PAQR3: variants seen among roughly 807,000 people sequenced by gnomAD.
PAQR3 encodes the protein progestin and adipoQ receptor family member 3, also known as Raf kinase trapping to Golgi.
In PAQR3, 39 loss-of-function variants were observed where a neutral mutation model predicts 41.7. That is an observed-to-expected ratio of 0.93 (90% CI 0.72 to 1.22). The LOEUF (loss-of-function observed/expected upper bound fraction) is 1.22. PAQR3 is among the 50% of genes most tolerant of loss of function. The pLI is 0.00. For synonymous variants in PAQR3, 140 were observed against 140.6 expected (o/e 1.00, Z 0.03); for missense variants, 366 against 385.6 (o/e 0.95, Z 0.42).
intron 12 of PAQR3, chr4:78,887,386 C>T: frequency 1.2e-6 from 1 of 812,574 alleles, no homozygotes; most frequent in Non-Finnish European, 2.0e-6. Context: ...TAGTTAGCTA[C>T]AGAAAGTAGA....
intron 3 of PAQR3, among the ~76,000 whole-genome samples, chr4:78,927,462 G>C (rs921905929): frequency 4.6e-5 from 7 of 152,256 alleles, no homozygotes; most frequent in African/African-American, 1.7e-4. Flanking sequence ...TATTCAAAGA[G>C]AGAGTGGGGG....
At position 78,919,182 on chromosome 4, in the gene PAQR3, GCTT is replaced by G. The variant is rs1456594329; in HGVS notation, c.*1354_*1356del. The G allele has an allele frequency of 8.1e-6, 8 of 984,910 alleles. No homozygotes were observed. The highest frequency in any genetic ancestry group is 9.6e-6 in the Non-Finnish European group (8 of 829,752). 61.0% of individuals were successfully genotyped at this position (984,910 alleles called of 1,614,324 possible). On this transcript the variant is annotated 3_prime_UTR_variant, in exon 6 of 6. Coordinates refer to ENST00000512733, the MANE Select transcript of PAQR3 (RefSeq NM_001040202.2). ...TGCACAAAAGGCATTTTGGGAATAA[GCTT>G]CATCATCAATTAACATTTTTTCTGA...
Position 78,915,588 on chromosome 4 carries a change from G to C in PAQR3, c.*4951C>G, listed in dbSNP as rs1314638436. On this transcript the variant is annotated 3_prime_UTR_variant, in exon 6 of 6. Transcript: ENST00000512733. The stretch of plus-strand genomic sequence containing the variant: ...ACCATAAATGATGAATAGTTTATTT[G>C]AGAACTTTTATACTCAGTGGTGTTT... The C allele has an allele frequency of 6.6e-6, 1 of 151,794 alleles. No individual in the cohort carries two copies. Among genetic ancestry groups the C allele is most frequent in the Non-Finnish European group, 1.5e-5 (1 of 67,842 alleles). 9.4% of individuals were successfully genotyped at this position (151,794 alleles called of 1,614,324 possible). A position where few individuals can be genotyped will look rare whatever the true frequency, so the allele number is the denominator to read the frequency against.
Position 78,918,574 on chromosome 4 carries a change from C to A in PAQR3, c.*1965G>T, listed in dbSNP as rs1735322654. 1.0e-6 allele frequency: 1 copy of A among 974,752 alleles called. No homozygotes were observed. Among genetic ancestry groups the A allele is most frequent in the Non-Finnish European group, 1.2e-6 (1 of 819,954 alleles). The allele number at this position is 974,752 out of a possible 1,614,324, so 60.4% of individuals were successfully genotyped here. A position where few individuals can be genotyped will look rare whatever the true frequency, so the allele number is the denominator to read the frequency against. On this transcript the variant is annotated 3_prime_UTR_variant, in exon 6 of 6. Transcript: ENST00000512733. ...AATTTTCCCTACAGAAAGACCTGTA[C>A]ACCCTTTAAATTCAAAGAAACACGG...
At chr4:78,891,581 T>C (rs991577195) in intron 11 of PAQR3, among the ~76,000 whole-genome samples, 15 of 152,344 alleles carry the variant, frequency 9.8e-5, no homozygotes, top group African/African-American at 3.1e-4. Context: ...TTGTCTTTTA[T>C]ATTTGCATCT....
Position 78,923,964 on chromosome 4 carries a change from G to GC in PAQR3, c.703-18_703-17insG, listed in dbSNP as rs1553924504. ...TGCAAAGTCCTGAAAAGCAGAACAT[G>GC]TTTTTTTACAGATCTTCCTACTGTT... On this transcript the variant is annotated splice_polypyrimidine_tract_variant and intron_variant, in intron 4 of 5. Coordinates refer to ENST00000512733, the MANE Select transcript of PAQR3 (RefSeq NM_001040202.2). 1.3e-6 allele frequency: 2 copies of GC among 1,565,224 alleles called. No individual in the cohort carries two copies. The highest frequency in any genetic ancestry group is 1.1e-5 in the South Asian group (1 of 89,944).
chr4:78,911,610 CA>C (rs1350847218), downstream of PAQR3: 1 of 1,613,668 alleles, frequency 6.2e-7, no homozygotes, highest in Non-Finnish European at 8.5e-7. Context: ...CTCGCAGGCA[CA>C]AAAAAGTGGG....
At position 78,918,894 on chromosome 4, in the gene PAQR3, G is replaced by A; in HGVS notation, c.*1645C>T. On this transcript the variant is annotated 3_prime_UTR_variant, in exon 6 of 6. Transcript: ENST00000512733. Reference sequence around the variant, plus strand: ...AGGAGAAATATATCCTACTACTGTTGCACCAAAATCTTCTATCACTTAACA... The same window carrying A: ...AGGAGAAATATATCCTACTACTGTTACACCAAAATCTTCTATCACTTAACA... 1 of 984,734 alleles carries A rather than the reference G, an allele frequency of 1.0e-6. No homozygotes were observed. Among genetic ancestry groups the A allele is most frequent in the Non-Finnish European group, 1.2e-6 (1 of 829,544 alleles). The allele number at this position is 984,734 out of a possible 1,614,324, so 61.0% of individuals were successfully genotyped here.
chr4:78,904,958 C>G (rs945981109), intron 11 of PAQR3, among the ~76,000 whole-genome samples: 1 of 151,808 alleles, frequency 6.6e-6, no homozygotes, highest in Admixed American at 6.6e-5. Flanking sequence ...AAAAAACATT[C>G]TTAGTAACTC....
chr4:78,911,745 G>C, downstream of PAQR3: 1 of 1,613,936 alleles, frequency 6.2e-7, no homozygotes, highest in Non-Finnish European at 8.5e-7. Context: ...AGAGCCTGTT[G>C]GACCCCTTCG....
intron 11 of PAQR3, among the ~76,000 whole-genome samples, chr4:78,899,443 A>G (rs1733883055): frequency 6.6e-6 from 1 of 152,194 alleles, no homozygotes; most frequent in Non-Finnish European, 1.5e-5. Context: ...ATTTAGACAC[A>G]AAAGAAGACA....
chr4:78,919,679 T>A lies in PAQR3; in HGVS notation c.*860A>T. 1 of 985,118 alleles carries A rather than the reference T, an allele frequency of 1.0e-6. No homozygotes were observed. Among genetic ancestry groups the A allele is most frequent in the Non-Finnish European group, 1.2e-6 (1 of 829,762 alleles). The allele number at this position is 985,118 out of a possible 1,614,324, so 61.0% of individuals were successfully genotyped here. A position where few individuals can be genotyped will look rare whatever the true frequency, so the allele number is the denominator to read the frequency against. On this transcript the variant is annotated 3_prime_UTR_variant, in exon 6 of 6. Coordinates refer to ENST00000512733, the MANE Select transcript of PAQR3 (RefSeq NM_001040202.2). ...CTGGGAACCCCCACCACTGGGATAT[T>A]CAGGACTACAAATTCAGAGAGTTGA...
In PAQR3 at chr4:78,920,258, TCAAC is replaced by T; in HGVS notation, c.*277_*280del. 9.3e-7 allele frequency: 1 copy of T among 1,078,296 alleles called. No individual in the cohort carries two copies. Among genetic ancestry groups the T allele is most frequent in the Non-Finnish European group, 1.1e-6 (1 of 890,698 alleles). The allele number at this position is 1,078,296 out of a possible 1,614,324, so 66.8% of individuals were successfully genotyped here. A position where few individuals can be genotyped will look rare whatever the true frequency, so the allele number is the denominator to read the frequency against. The stretch of plus-strand genomic sequence containing the variant: ...GGTGCTAAGTAAAATGAATCCTATT[TCAAC>T]ACTAGTTTCCCATTCATCGTTGTTA... On this transcript the variant is annotated 3_prime_UTR_variant, in exon 6 of 6. Transcript: ENST00000512733.
chr4:78,935,319 T>G, intron 1 of PAQR3, 36 bp from the exon 2 acceptor site: 1 of 1,585,786 alleles, frequency 6.3e-7, no homozygotes, highest in Non-Finnish European at 8.6e-7. Flanking sequence ...GAGATTCACA[T>G]TGGCCAACTT....
In PAQR3 at chr4:78,923,701, G is replaced by A. The variant is rs1735893830; in HGVS notation, c.793+156C>T. 8 of 652,210 alleles carry A rather than the reference G, an allele frequency of 1.2e-5. No individual in the cohort carries two copies. The South Asian group carries it at 1.3e-4, about 10-fold the overall frequency. 40.4% of individuals were successfully genotyped at this position (652,210 alleles called of 1,614,324 possible). A position where few individuals can be genotyped will look rare whatever the true frequency, so the allele number is the denominator to read the frequency against. On this transcript the variant is annotated intron_variant, in intron 5 of 5. Transcript: ENST00000512733. ...GATCAGGATGAAAGGAAAAGTGAAA[G>A]CCCTTTGAAAGTTTTAGGTAACATT...
Position 78,917,965 on chromosome 4 carries a change from A to C in PAQR3, c.*2574T>G. ...TATTTAGTAAACCCAGTTTATTTAC[A>C]TAATACATATTTTGTCATGCAGCTT... On this transcript the variant is annotated 3_prime_UTR_variant, in exon 6 of 6. Transcript: ENST00000512733. 1.0e-6 allele frequency: 1 copy of C among 984,134 alleles called. No individual in the cohort carries two copies. Among genetic ancestry groups the C allele is most frequent in the Non-Finnish European group, 1.2e-6 (1 of 828,420 alleles). 61.0% of individuals were successfully genotyped at this position (984,134 alleles called of 1,614,324 possible).
In PAQR3 at chr4:78,913,881, A is replaced by C. The variant is rs1734822756; in HGVS notation, c.*6658T>G. 1 of 152,022 alleles carries C rather than the reference A, an allele frequency of 6.6e-6. No individual in the cohort carries two copies. Among genetic ancestry groups the C allele is most frequent in the Non-Finnish European group, 1.5e-5 (1 of 67,960 alleles). 9.4% of individuals were successfully genotyped at this position (152,022 alleles called of 1,614,324 possible). On this transcript the variant is annotated 3_prime_UTR_variant, in exon 6 of 6. Coordinates refer to ENST00000512733, the MANE Select transcript of PAQR3 (RefSeq NM_001040202.2). The stretch of plus-strand genomic sequence containing the variant: ...GCACCAATTACTTGTCCTCGTGCCA[A>C]AGGCAAATATGTTTGCACCTTTTTT...
rs776423103 is a variant in PAQR3, at chr4:78,912,155, G to C, written c.*8384C>G. The C allele has an allele frequency of 2.6e-5, 23 of 886,770 alleles. No homozygotes were observed. Among genetic ancestry groups the C allele is most frequent in the Non-Finnish European group, 3.5e-5 (20 of 568,130 alleles). 54.9% of individuals were successfully genotyped at this position (886,770 alleles called of 1,614,324 possible). A position where few individuals can be genotyped will look rare whatever the true frequency, so the allele number is the denominator to read the frequency against. On this transcript the variant is annotated 3_prime_UTR_variant, in exon 6 of 6. Transcript: ENST00000512733. ...CATTCTTAAAGATCAGTCAGAATAG[G>C]TGATTTCTAAATAAACCAAATAGAA...
At position 78,919,535 on chromosome 4, in the gene PAQR3, T is replaced by G; in HGVS notation, c.*1004A>C. 1 of 985,116 alleles carries G rather than the reference T, an allele frequency of 1.0e-6. No homozygotes were observed. The allele number at this position is 985,116 out of a possible 1,614,324, so 61.0% of individuals were successfully genotyped here. On this transcript the variant is annotated 3_prime_UTR_variant, in exon 6 of 6. Transcript: ENST00000512733. ...CAGAAACCGAGGACCAGAGCACAGG[T>G]GAATAAGATTATTATCAAATGGGGC...
Sources: allele counts gnomAD v4.1 joint callset (sites outside exome capture counted in the v4.1 genomes callset), GRCh38; gene constraint gnomAD v4.1.1; transcripts MANE v1.5; gene names NCBI Gene and HGNC (gene_info 2026-07-23, HGNC 2026-07-21).